Variants in KATNAL1 observed in about 807,000 individuals in gnomAD.
KATNAL1 encodes katanin catalytic subunit A1 like 1, also known as katanin p60 ATPase-containing subunit A-like 1.
In KATNAL1, 32 loss-of-function variants were observed where a neutral mutation model predicts 55.2. The observed-to-expected ratio is 0.58, with a 90% CI of 0.44 to 0.78. KATNAL1 has a LOEUF of 0.78. Ranked by LOEUF, KATNAL1 falls within the 30% of genes least tolerant of loss-of-function variation. KATNAL1 has a pLI of 0.00. For synonymous variants in KATNAL1, 193 were observed against 193.6 expected, an observed-to-expected ratio of 1.00 and a Z score of 0.02; for missense variants, 466 against 600.9, an observed-to-expected ratio of 0.78 and a Z score of 2.35.
chr13:30,256,595 G>A lies in KATNAL1; in HGVS notation c.324-980C>T, dbSNP rs183302590. ...TTCACCTAACTCATCATGGAGTTCC[G>A]TTCCTCATATCAGAAAAGGTGACAC... On this transcript the variant is annotated intron_variant, in intron 3 of 10. Coordinates refer to ENST00000380615, the MANE Select transcript of KATNAL1 (RefSeq NM_032116.5). Among the ~76,000 whole-genome samples, 30 of 151,828 alleles carry A rather than the reference G, an allele frequency of 2.0e-4. No homozygotes were observed. In the South Asian group the frequency reaches 5.0e-3, roughly 25 times the overall value.
In KATNAL1 at chr13:30,281,897, T is replaced by C. The variant is rs1052739850; in HGVS notation, c.163-1674A>G. ...TACTTAACGTTTTCTAAAAAGGATG[T>C]TACGTTGTTTTAGTATAACAGGTGA... On this transcript the variant is annotated intron_variant, in intron 2 of 10. Coordinates refer to ENST00000380615, the MANE Select transcript of KATNAL1 (RefSeq NM_032116.5). 3 of 152,318 alleles carry C rather than the reference T, an allele frequency of 2.0e-5. No individual in the cohort carries two copies. The East Asian group carries it at 5.8e-4, about 29-fold the overall frequency. The allele number at this position is 152,318 out of a possible 1,614,324, so 9.4% of individuals were successfully genotyped here.
intron 7 of KATNAL1, 50 bp downstream of exon 7, chr13:30,231,264 A>T: frequency 6.9e-7 from 1 of 1,444,772 alleles, no homozygotes; most frequent in South Asian, 1.5e-5. Context: ...TTATGGGGGC[A>T]TCATAGGCCT....
chr13:30,206,245 C>T lies in KATNAL1; in HGVS notation c.*2295G>A, dbSNP rs1344613330. On this transcript the variant is annotated 3_prime_UTR_variant, in exon 11 of 11. Transcript: ENST00000380615. The stretch of plus-strand genomic sequence containing the variant: ...GCAGTGAGCCGAGATCATGCCACTG[C>T]ACTCCAGCCTGGGCGACAGAGCAAG... 1 of 152,058 alleles carries T rather than the reference C, an allele frequency of 6.6e-6. No homozygotes were observed. Among genetic ancestry groups the T allele is most frequent in the Non-Finnish European group, 1.5e-5 (1 of 68,064 alleles). The allele number at this position is 152,058 out of a possible 1,614,324, so 9.4% of individuals were successfully genotyped here.
At chr13:30,259,308 C>A (rs1443224691) in intron 3 of KATNAL1, among the ~76,000 whole-genome samples, 1 of 151,848 alleles carries the variant, frequency 6.6e-6, no homozygotes, top group African/African-American at 2.4e-5. Flanking sequence ...CCACTGCATT[C>A]CAGCCTGGGC....
chr13:30,283,831 AC>A, intron 1 of KATNAL1, 40 bp from the exon 2 acceptor site: 1 of 1,367,270 alleles, frequency 7.3e-7, no homozygotes, highest in Non-Finnish European at 1.0e-6. Flanking sequence ...AATTTTCAGC[AC>A]TGACTTTAAA....
At chr13:30,302,717 G>C (rs1009330724) in intron 1 of KATNAL1, among the ~76,000 whole-genome samples, 2 of 152,162 alleles carry the variant, frequency 1.3e-5, no homozygotes, top group Admixed American at 6.5e-5. Context: ...ACAAGAGTGA[G>C]TATACCAAAA....
At chr13:30,282,216 C>A (rs1351880799) in intron 2 of KATNAL1, among the ~76,000 whole-genome samples, 1 of 152,034 alleles carries the variant, frequency 6.6e-6, no homozygotes, top group African/African-American at 2.4e-5. Context: ...AGTCAAAAGA[C>A]AGCAAATATA....
At chr13:30,280,448 T>G (rs188222597) in intron 2 of KATNAL1, among the ~76,000 whole-genome samples, 297 of 152,304 alleles carry the variant, frequency 2.0e-3, no homozygotes, top group Middle Eastern at 3.4e-3. Flanking sequence ...TAGTTATATA[T>G]CTTTCATAAC....
chr13:30,224,498 A>C (rs188022752), intron 9 of KATNAL1, among the ~76,000 whole-genome samples: 187 of 151,936 alleles, frequency 1.2e-3, no homozygotes, highest in Non-Finnish European at 2.3e-3. Flanking sequence ...CATGCCACTG[A>C]ACTCCAGCCT....
chr13:30,263,910 A>G (rs543911445), intron 3 of KATNAL1, among the ~76,000 whole-genome samples: 45 of 150,394 alleles, frequency 3.0e-4, no homozygotes, highest in African/African-American at 1.0e-3. Flanking sequence ...AAGAGCCCAC[A>G]TCGCAAAGTC....
chr13:30,223,284 T>C (rs1252264692), intron 9 of KATNAL1, among the ~76,000 whole-genome samples: 2 of 146,870 alleles, frequency 1.4e-5, no homozygotes, highest in Admixed American at 6.8e-5. Flanking sequence ...CTACTAAAAA[T>C]ACAAAAAATT....
intron 6 of KATNAL1, among the ~76,000 whole-genome samples, chr13:30,239,860 A>G (rs887276364): frequency 9.2e-5 from 14 of 151,404 alleles, no homozygotes; most frequent in Non-Finnish European, 1.9e-4. Flanking sequence ...TAATTTTTGT[A>G]TTTTTCGTAA....
At chr13:30,225,850 T>C (rs1442636921) in intron 9 of KATNAL1, among the ~76,000 whole-genome samples, 2 of 152,078 alleles carry the variant, frequency 1.3e-5, no homozygotes, top group African/African-American at 4.8e-5. Context: ...TGTCTGCTTA[T>C]TAAGAGATAC....
At chr13:30,210,670 A>C (rs1176967290) in intron 9 of KATNAL1, 15 of 235,052 alleles carry the variant, frequency 6.4e-5, no homozygotes, top group African/African-American at 3.2e-4. Context: ...AAAAAAAAAA[A>C]CACCAAAAAC....
At chr13:30,277,982 C>CAAAAAAAAAAAAAAAAAAA (rs55683675) in intron 3 of KATNAL1, among the ~76,000 whole-genome samples, 2 of 61,312 alleles carry the variant, frequency 3.3e-5, no homozygotes, top group African/African-American at 1.4e-4. Flanking sequence ...GACTCCGTCT[C>CAAAAAAAAAAAAAAAAAAA]AAAAAAAAAA....
chr13:30,250,955 G>A (rs576927538), intron 4 of KATNAL1, among the ~76,000 whole-genome samples: 3 of 152,158 alleles, frequency 2.0e-5, no homozygotes, highest in East Asian at 1.9e-4. Flanking sequence ...TGGATAACAC[G>A]GTGAAACCCC....
chr13:30,302,695 T>A (rs1229365353), intron 1 of KATNAL1, among the ~76,000 whole-genome samples: 2 of 152,190 alleles, frequency 1.3e-5, no homozygotes, highest in African/African-American at 4.8e-5. Flanking sequence ...GGAGATGATT[T>A]CCTTAAAAAA....
At chr13:30,306,023 A>G (rs1398723760) in intron 1 of KATNAL1, among the ~76,000 whole-genome samples, 1 of 152,088 alleles carries the variant, frequency 6.6e-6, no homozygotes, top group African/African-American at 2.4e-5. Context: ...TAATTAAGAG[A>G]AAGTTTTATA....
chr13:30,215,562 T>C (rs1410171351), intron 9 of KATNAL1, among the ~76,000 whole-genome samples: 6 of 152,218 alleles, frequency 3.9e-5, no homozygotes, highest in Non-Finnish European at 8.8e-5. Context: ...AAAGAAAATG[T>C]GGCACATATA....
Sources: gnomAD v4.1 joint callset for allele counts (sites outside exome capture counted in the v4.1 genomes callset) on GRCh38, gnomAD v4.1.1 for gene constraint, MANE v1.5 for transcripts, NCBI Gene and HGNC (gene_info 2026-07-23, HGNC 2026-07-21) for gene names.